The following OXNAD1 variants were observed in gnomAD, a reference collection of about 807,000 sequenced individuals.
OXNAD1 encodes the protein oxidoreductase NAD-binding domain-containing protein 1.
Under a neutral mutation model 32.9 loss-of-function variants are expected in OXNAD1, and 34 were observed. That is an observed-to-expected ratio of 1.03 (90% CI 0.79 to 1.38). The LOEUF (loss-of-function observed/expected upper bound fraction) is 1.38. Among genes scored for constraint, OXNAD1 ranks in the 40% most tolerant of loss-of-function variants. The pLI is 0.00. For synonymous variants in OXNAD1, 134 were observed against 135.2 expected (o/e 0.99, Z 0.06); for missense variants, 407 against 379.4 (o/e 1.07, Z -0.60).
At chr3:16,292,274 C>G (rs1006559476) in intron 5 of OXNAD1, among the ~76,000 whole-genome samples, 1 of 151,210 alleles carries the variant, frequency 6.6e-6, no homozygotes, top group African/African-American at 2.4e-5. Flanking sequence ...TCAGTGCTAC[C>G]TCTGCTCCTG....
chr3:16,293,737 T>C (rs1046746914), intron 5 of OXNAD1, among the ~76,000 whole-genome samples: 1 of 152,248 alleles, frequency 6.6e-6, no homozygotes, highest in African/African-American at 2.4e-5. Flanking sequence ...ATCTTGTTTC[T>C]CTTAGGGGGG....
At chr3:16,306,722 T>G (rs2067588872), downstream of OXNAD1, among the ~76,000 whole-genome samples, 1 of 152,260 alleles carries the variant, frequency 6.6e-6, no homozygotes. Context: ...CTCCTCTGTA[T>G]TTCATGTAAA....
rs1223576708 is a variant in OXNAD1 at position 16,314,851 on chromosome 3, C to T, written c.*30+11259C>T. On this transcript the variant is annotated intron_variant, in intron 9 of 9. Transcript: ENST00000435829. This position sits in a 1 kb window ranked among gnomAD's most constrained non-coding sequence, Gnocchi z 4.4. ...GTGGTGTTTTTGTCCTGGCCTGTTG[C>T]TGACTAGCATATATTTTTAAAATCA... The T allele has an allele frequency of 2.6e-5, 4 of 152,180 alleles. No individual in the cohort carries two copies. Among genetic ancestry groups the T allele is most frequent in the Non-Finnish European group, 5.9e-5 (4 of 68,034 alleles). 9.4% of individuals were successfully genotyped at this position (152,180 alleles called of 1,614,324 possible).
chr3:16,298,449 G>A lies in OXNAD1; in HGVS notation c.433-3177G>A, dbSNP rs562740699. On this transcript the variant is annotated intron_variant, in intron 6 of 8. Transcript: ENST00000285083. The surrounding 1 kb of genome is among the most constrained non-coding windows in gnomAD (Gnocchi z 5.1). Reference sequence around the variant, plus strand: ...GTGAAGAAACTTATTCTTACAGGCTGTAGAAAATCTCAAAGTGTTATTGCC... The same window carrying A: ...GTGAAGAAACTTATTCTTACAGGCTATAGAAAATCTCAAAGTGTTATTGCC... Among the ~76,000 whole-genome samples, 5 of 152,226 alleles carry A rather than the reference G, an allele frequency of 3.3e-5. No homozygotes were observed. The South Asian group carries it at 1.0e-3, about 32-fold the overall frequency.
rs764329688 is a variant in OXNAD1, at chr3:16,271,122, C to T, written c.119+51C>T. On this transcript the variant is annotated intron_variant, in intron 3 of 8. Transcript: ENST00000285083. The surrounding 1 kb of genome is among the most constrained non-coding windows in gnomAD (Gnocchi z 4.6). ...TTTGAAGTTAATTTTCAAAGAGACC[C>T]GACCTGCTGATGGTTGTGGGAGGCA... is the stretch of plus-strand genomic sequence containing the variant. 15 of 1,593,000 alleles carry T rather than the reference C, an allele frequency of 9.4e-6. No individual in the cohort carries two copies. The highest frequency in any genetic ancestry group is 4.5e-5 in the South Asian group (4 of 89,306).
rs746881344 is a variant in OXNAD1, at chr3:16,303,574, A to G, written c.*12A>G. 6.2e-7 allele frequency: 1 copy of G among 1,611,578 alleles called. No individual in the cohort carries two copies. Among genetic ancestry groups the G allele is most frequent in the Non-Finnish European group, 8.5e-7 (1 of 1,178,976 alleles). ...AGAAGTGGTGGTAGGAGGCAGACAA[A>G]GGCAGAAAAAATAAAGAGGTGAGAT... On this transcript the variant is annotated 3_prime_UTR_variant, in exon 9 of 9. Coordinates refer to ENST00000285083, the MANE Select transcript of OXNAD1 (RefSeq NM_138381.5). This position sits in a 1 kb window ranked among gnomAD's most constrained non-coding sequence, Gnocchi z 4.8.
In OXNAD1 at chr3:16,271,745, A is replaced by T; in HGVS notation, c.183+23A>T. On this transcript the variant is annotated intron_variant, in intron 4 of 8. Coordinates refer to ENST00000285083, the MANE Select transcript of OXNAD1 (RefSeq NM_138381.5). This position sits in a 1 kb window ranked among gnomAD's most constrained non-coding sequence, Gnocchi z 4.6. ...GAGGTTTGTATCTTTGGGGTATGACAGGTTTTTCCAGCTAGACCGTTTACA... is the reference window on the plus strand; with the variant it reads ...GAGGTTTGTATCTTTGGGGTATGACTGGTTTTTCCAGCTAGACCGTTTACA... The T allele has an allele frequency of 6.3e-7, 1 of 1,595,310 alleles. No individual in the cohort carries two copies.
intron 6 of OXNAD1, among the ~76,000 whole-genome samples, chr3:16,295,460 T>A (rs2066721811): frequency 1.3e-5 from 2 of 152,124 alleles, no homozygotes; most frequent in Admixed American, 1.3e-4. Context: ...TCTATTTCAG[T>A]GTCTGGAAAG....
intron 5 of OXNAD1, among the ~76,000 whole-genome samples, chr3:16,291,164 A>G (rs1365309951): frequency 6.6e-6 from 1 of 152,204 alleles, no homozygotes; most frequent in East Asian, 1.9e-4. Context: ...TGTGTAACTC[A>G]GAGGCCATAT....
rs1203333269 is a variant in OXNAD1 at position 16,322,667 on chromosome 3, A to T, written c.*31-14445A>T. Among the ~76,000 whole-genome samples, 2 of 152,178 alleles carry T rather than the reference A, an allele frequency of 1.3e-5. No individual in the cohort carries two copies. Among genetic ancestry groups the T allele is most frequent in the Non-Finnish European group, 2.9e-5 (2 of 68,030 alleles). On this transcript the variant is annotated intron_variant, in intron 9 of 9. Transcript: ENST00000435829. The surrounding 1 kb of genome is among the most constrained non-coding windows in gnomAD (Gnocchi z 6.2). The stretch of plus-strand genomic sequence containing the variant: ...GTGGGAAGCATCAGAATCATCTGGC[A>T]CAAGGGTTGCCGACACTTGCACCTC...
chr3:16,266,486 C>A (rs924575205), intron 1 of OXNAD1, among the ~76,000 whole-genome samples: 1 of 151,444 alleles, frequency 6.6e-6, no homozygotes, highest in Non-Finnish European at 1.5e-5. Context: ...GCCTGTAATC[C>A]CAGCCACTCA....
chr3:16,341,870 TA>T (rs1203975226), downstream of OXNAD1, among the ~76,000 whole-genome samples: 1 of 152,144 alleles, frequency 6.6e-6, no homozygotes, highest in African/African-American at 2.4e-5. This position sits in a 1 kb window ranked among gnomAD's most constrained non-coding sequence, Gnocchi z 4.7. Flanking sequence ...ACCATTTTTG[TA>T]AAAAATATGC....
rs755336895 is a variant in OXNAD1, at chr3:16,316,781, C to T, written c.*30+13189C>T. The stretch of plus-strand genomic sequence containing the variant: ...CCCCAAACCAGCTGTTGGTAAGATG[C>T]CTTGGGTTTGGCAACTCACCTAGTT... On this transcript the variant is annotated intron_variant, in intron 9 of 9. Coordinates refer to the OXNAD1 transcript ENST00000435829. The surrounding 1 kb of genome is among the most constrained non-coding windows in gnomAD (Gnocchi z 4.5). 6.2e-7 allele frequency: 1 copy of T among 1,609,926 alleles called. No individual in the cohort carries two copies. The highest frequency in any genetic ancestry group is 1.7e-5 in the Admixed American group (1 of 59,698).
intron 9 of OXNAD1, chr3:16,323,390 T>G: frequency 6.2e-7 from 1 of 1,609,590 alleles, no homozygotes; most frequent in South Asian, 1.1e-5. Context: ...GATTCCTTCT[T>G]CTTGATTTTC....
chr3:16,348,192 G>C lies in OXNAD1; in HGVS notation c.*31-984G>C, dbSNP rs1442517181. Among the ~76,000 whole-genome samples the C allele has an allele frequency of 6.6e-6, 1 of 152,092 alleles. No individual in the cohort carries two copies. Among genetic ancestry groups the C allele is most frequent in the East Asian group, 1.9e-4 (1 of 5,192 alleles). ...GAGCTCAGGAGCAGGGCTTTGCTAA[G>C]AGGCACAAGTGCTGCCTGTTTGAGG... On this transcript the variant is annotated intron_variant, in intron 9 of 9. Coordinates refer to the OXNAD1 transcript ENST00000606098. The surrounding 1 kb of genome is among the most constrained non-coding windows in gnomAD (Gnocchi z 6.3).
rs1559843974 is a variant in OXNAD1, at chr3:16,345,855, T to TGTGTGTGTGC, written c.*31-3321_*31-3320insGTGTGTGTGC. Among the ~76,000 whole-genome samples the TGTGTGTGTGC allele has an allele frequency of 5.0e-4, 31 of 61,726 alleles. No individual in the cohort carries two copies. The highest frequency in any genetic ancestry group is 1.4e-3 in the Admixed American group (10 of 7,022). The allele number at this position is 61,726 out of a possible 152,430, so 40.5% of individuals were successfully genotyped here. ...GCGCGCACGCGCACATGTGCATGTG[T>TGTGTGTGTGC]ATGTGTATAATCTCCTACTGGTTCT... is the stretch of plus-strand genomic sequence containing the variant. On this transcript the variant is annotated intron_variant, in intron 9 of 9. Coordinates refer to the OXNAD1 transcript ENST00000606098. The surrounding 1 kb of genome is among the most constrained non-coding windows in gnomAD (Gnocchi z 5.2).
rs923017459 is a variant in OXNAD1 at position 16,297,741 on chromosome 3, C to T, written c.432+2744C>T. ...GCAAGGAGGCAGTCCCAAAAGGTTA[C>T]ATACTGTAAAATCCCATTTTTGTCA... On this transcript the variant is annotated intron_variant, in intron 6 of 8. Coordinates refer to ENST00000285083, the MANE Select transcript of OXNAD1 (RefSeq NM_138381.5). The surrounding 1 kb of genome is among the most constrained non-coding windows in gnomAD (Gnocchi z 4.3). Among the ~76,000 whole-genome samples, 1 of 152,134 alleles carries T rather than the reference C, an allele frequency of 6.6e-6. No individual in the cohort carries two copies. The highest frequency in any genetic ancestry group is 1.5e-5 in the Non-Finnish European group (1 of 68,010).
chr3:16,272,162 A>T (rs1175582234), intron 4 of OXNAD1: 1 of 454,052 alleles, frequency 2.2e-6, no homozygotes, highest in Non-Finnish European at 4.4e-6. Context: ...TATTTCATCA[A>T]GGGAGAAAGC....
At chr3:16,347,372 C>T (rs2071796289) in intron 9 of OXNAD1, among the ~76,000 whole-genome samples, 1 of 152,204 alleles carries the variant, frequency 6.6e-6, no homozygotes, top group African/African-American at 2.4e-5. Context: ...GTTCTGGAAG[C>T]CAGAAGTTCA....
Sources: gnomAD v4.1 joint callset for allele counts (sites outside exome capture counted in the v4.1 genomes callset) on GRCh38, gnomAD v4.1.1 for gene constraint, Gnocchi (gnomAD v3.1) non-coding constraint, MANE v1.5 for transcripts, NCBI Gene and HGNC (gene_info 2026-07-23, HGNC 2026-07-21) for gene names.